Variants in EFR3A observed in about 807,000 individuals in gnomAD.
The protein encoded by EFR3A is protein EFR3 homolog A.
EFR3A carries 76 observed loss-of-function variants against 104.4 expected under a neutral mutation model. The ratio of observed to expected loss-of-function variants is 0.73; its 90% CI spans 0.60 to 0.88. The LOEUF is 0.88. Among genes scored for constraint, EFR3A ranks in the 40% least tolerant of loss-of-function variants. The pLI is 0.00. For synonymous variants in EFR3A, 330 were observed against 330.0 expected, an observed-to-expected ratio of 1.00 and a Z score of 0.00; for missense variants, 985 against 1,012.5, an observed-to-expected ratio of 0.97 and a Z score of 0.37.
intron 7 of EFR3A, among the ~76,000 whole-genome samples, chr8:131,958,835 T>C (rs983795533): frequency 6.6e-6 from 1 of 152,186 alleles, no homozygotes; most frequent in African/African-American, 2.4e-5. Flanking sequence ...CTACCACTTA[T>C]CAAGTGCTGG....
In EFR3A at chr8:132,011,394, C is replaced by A. The variant is rs1452596308; in HGVS notation, c.*499C>A. 1.0e-6 allele frequency: 1 copy of A among 985,906 alleles called. No homozygotes were observed. The highest frequency in any genetic ancestry group is 1.7e-5 in the African/African-American group (1 of 57,200). 61.1% of individuals were successfully genotyped at this position (985,906 alleles called of 1,614,324 possible). A position where few individuals can be genotyped will look rare whatever the true frequency, so the allele number is the denominator to read the frequency against. On this transcript the variant is annotated 3_prime_UTR_variant, in exon 23 of 23. Coordinates refer to ENST00000254624, the MANE Select transcript of EFR3A (RefSeq NM_015137.6). ...TTTTTGTCCCCATGCTTTAGATAAG[C>A]TGGGATAGGCACCTTGCTATTCAGT...
Position 131,978,848 on chromosome 8 carries a change from T to A in EFR3A, c.1328T>A (p.Val443Glu). The change falls in exon 13 of 23, where the codon GTG becomes GAG. Residue 443 changes from valine to glutamate, a missense_variant and splice_region_variant. Physicochemically the swap from Val to Glu is moderately radical, Grantham distance 121 (BLOSUM62 -2). Transcript: ENST00000254624. The part of the protein sequence containing the change: ...QIMLLRSLLM[V>E]TSGYKAKTIV... ...GTTTGTTTTCTTCTCGATAATCAGG[T>A]GACCTCTGGATATAAAGCGAAGACG... 6.4e-7 allele frequency: 1 copy of A among 1,555,674 alleles called. No individual in the cohort carries two copies. The highest frequency in any genetic ancestry group is 8.7e-7 in the Non-Finnish European group (1 of 1,153,476).
At chr8:131,974,506 T>G (rs963763149) in intron 10 of EFR3A, among the ~76,000 whole-genome samples, 4 of 152,170 alleles carry the variant, frequency 2.6e-5, no homozygotes, top group African/African-American at 9.7e-5. Flanking sequence ...AGAATAATAA[T>G]AGCATAAGCT....
At chr8:131,991,408 A>G (rs2130777839) in intron 18 of EFR3A, among the ~76,000 whole-genome samples, 2 of 152,070 alleles carry the variant, frequency 1.3e-5, no homozygotes, top group East Asian at 3.9e-4. Context: ...AACTCTCTAT[A>G]AGTAGTTTTG....
intron 1 of EFR3A, among the ~76,000 whole-genome samples, chr8:131,919,507 A>G (rs1472471156): frequency 6.6e-6 from 1 of 151,374 alleles, no homozygotes; most frequent in Non-Finnish European, 1.5e-5. Flanking sequence ...GAGGCAGGAG[A>G]ATGGCGTGAG....
rs567298518 is a variant in EFR3A at position 131,951,740 on chromosome 8, C to T, written c.488+1650C>T. Reference sequence around the variant, plus strand: ...GGACTTATAGTACAATTTGCTAACTCTAGGTCTTTCCAATATTATATCATA... The same window carrying T: ...GGACTTATAGTACAATTTGCTAACTTTAGGTCTTTCCAATATTATATCATA... On this transcript the variant is annotated intron_variant, in intron 5 of 22. Coordinates refer to ENST00000254624, the MANE Select transcript of EFR3A (RefSeq NM_015137.6). Among the ~76,000 whole-genome samples, 392 of 152,206 alleles carry T rather than the reference C, an allele frequency of 2.6e-3. 3 individuals are homozygous for T. Among genetic ancestry groups the T allele is most frequent in the African/African-American group, 9.1e-3 (379 of 41,556 alleles).
chr8:131,944,940 A>G (rs1224396007), intron 3 of EFR3A, 68 bp downstream of exon 3: 12 of 1,538,912 alleles, frequency 7.8e-6, no homozygotes, highest in South Asian at 6.2e-5. Flanking sequence ...AAATCATTCT[A>G]TAGATTATTT....
chr8:131,958,411 C>CTTTA (rs1483935058), intron 7 of EFR3A, among the ~76,000 whole-genome samples: 1 of 152,142 alleles, frequency 6.6e-6, no homozygotes, highest in Non-Finnish European at 1.5e-5. Flanking sequence ...TCTATCACTG[C>CTTTA]TTCTGTCCAC....
chr8:131,907,870 A>G (rs1045881937), intron 1 of EFR3A, among the ~76,000 whole-genome samples: 8 of 145,718 alleles, frequency 5.5e-5, no homozygotes, highest in African/African-American at 1.8e-4. Flanking sequence ...CCCACCACCT[A>G]TGTGTCCTGC....
At chr8:131,964,271 G>T (rs1184655629) in intron 8 of EFR3A, among the ~76,000 whole-genome samples, 1 of 151,952 alleles carries the variant, frequency 6.6e-6, no homozygotes, top group Non-Finnish European at 1.5e-5. Context: ...AGGAAAAGAG[G>T]AAGTCAAATT....
chr8:131,909,404 A>G (rs535584887), intron 1 of EFR3A, among the ~76,000 whole-genome samples: 15 of 152,094 alleles, frequency 9.9e-5, no homozygotes, highest in African/African-American at 3.6e-4. Flanking sequence ...AAAATTAGCC[A>G]GGTGTGTTGG....
At chr8:131,957,492 A>G (rs904125709) in intron 7 of EFR3A, among the ~76,000 whole-genome samples, 1 of 151,812 alleles carries the variant, frequency 6.6e-6, no homozygotes, top group Admixed American at 6.6e-5. Flanking sequence ...CTTGGATTAT[A>G]GGCATGCGCC....
rs182259597 is a variant in EFR3A, at chr8:131,925,567, C to T, written c.11-14932C>T. On this transcript the variant is annotated intron_variant, in intron 1 of 22. Coordinates refer to ENST00000254624, the MANE Select transcript of EFR3A (RefSeq NM_015137.6). ...GACATTAAATATGAAAACACAAAAG[C>T]ATAAAAATGATACAAATATACTGGC... 1.7e-3 allele frequency among the ~76,000 whole-genome samples: 253 copies of T among 152,076 alleles called. 2 individuals are homozygous for T. Among genetic ancestry groups the T allele is most frequent in the African/African-American group, 5.9e-3 (243 of 41,482 alleles).
chr8:131,961,974 A>G (rs995073988), intron 8 of EFR3A, among the ~76,000 whole-genome samples: 10 of 152,212 alleles, frequency 6.6e-5, no homozygotes, highest in African/African-American at 2.2e-4. Context: ...TCATAAGTGA[A>G]GGAGAAATAA....
intron 8 of EFR3A, among the ~76,000 whole-genome samples, chr8:131,966,308 G>A (rs1563672626): frequency 1.3e-5 from 2 of 152,092 alleles, no homozygotes; most frequent in Admixed American, 1.3e-4. Flanking sequence ...GAAGAGCATG[G>A]AGTAATTACG....
rs1044746335 is a variant in EFR3A, at chr8:132,011,627, C to T, written c.*732C>T. 1 of 167,910 alleles carries T rather than the reference C, an allele frequency of 6.0e-6. No individual in the cohort carries two copies. Among genetic ancestry groups the T allele is most frequent in the Non-Finnish European group, 1.2e-5 (1 of 82,124 alleles). 10.4% of individuals were successfully genotyped at this position (167,910 alleles called of 1,614,324 possible). On this transcript the variant is annotated 3_prime_UTR_variant, in exon 23 of 23. Coordinates refer to ENST00000254624, the MANE Select transcript of EFR3A (RefSeq NM_015137.6). ...AGTACCAAACTGTGCAATATTTTTACATCATAAGATGTATTAGTTTACAGG... is the reference window on the plus strand; with the variant it reads ...AGTACCAAACTGTGCAATATTTTTATATCATAAGATGTATTAGTTTACAGG...
chr8:131,916,811 A>G (rs1011289332), intron 1 of EFR3A, among the ~76,000 whole-genome samples: 1 of 152,234 alleles, frequency 6.6e-6, no homozygotes, highest in Non-Finnish European at 1.5e-5. Context: ...AGTCTCTTAC[A>G]GTTTGATCTG....
chr8:131,918,714 A>G (rs527484456), intron 1 of EFR3A, among the ~76,000 whole-genome samples: 65 of 152,238 alleles, frequency 4.3e-4, no homozygotes, highest in Non-Finnish European at 7.6e-4. Context: ...AGAAGAATCA[A>G]TGCTGTTGGT....
chr8:131,905,254 G>T (rs1816193176), intron 1 of EFR3A, among the ~76,000 whole-genome samples: 1 of 152,178 alleles, frequency 6.6e-6, no homozygotes, highest in African/African-American at 2.4e-5. Context: ...TTACACACTT[G>T]TGAATATATT....
Sources: allele counts gnomAD v4.1 joint callset (sites outside exome capture counted in the v4.1 genomes callset), GRCh38; gene constraint gnomAD v4.1.1; transcripts MANE v1.5; gene names NCBI Gene and HGNC (gene_info 2026-07-23, HGNC 2026-07-21).